HERC3: variants seen among roughly 807,000 people sequenced by gnomAD.
The protein encoded by HERC3 is probable E3 ubiquitin-protein ligase HERC3.
Under a neutral mutation model 129.9 loss-of-function variants are expected in HERC3, and 58 were observed. The ratio of observed to expected loss-of-function variants is 0.45; its 90% confidence interval spans 0.36 to 0.56. The LOEUF (loss-of-function observed/expected upper bound fraction) is 0.56, where lower values mean the gene tolerates loss of function less well. Ranked by LOEUF, HERC3 falls within the 20% of genes least tolerant of loss-of-function variation. The probability of loss-of-function intolerance (pLI) is 0.00; values close to 1 mark genes in which losing one functional copy is unlikely to be tolerated. For missense variants in HERC3, 835 were observed against 1,244.2 expected, an observed-to-expected ratio of 0.67 and a Z score of 4.95; for synonymous variants, 430 against 451.0, an observed-to-expected ratio of 0.95 and a Z score of 0.59.
intron 3 of HERC3, among the ~76,000 whole-genome samples, chr4:88,612,573 T>C (rs1455968304): frequency 6.6e-6 from 1 of 152,142 alleles, no homozygotes; most frequent in Non-Finnish European, 1.5e-5. Flanking sequence ...TATAAGTCTT[T>C]TGCACATTCC....
rs147444551 is a variant in HERC3, at chr4:88,704,495, C to CTT, written c.2842-8_2842-7dup. The CTT allele has an allele frequency of 1.3e-6, 2 of 1,558,712 alleles. No individual in the cohort carries two copies. The highest frequency in any genetic ancestry group is 2.7e-5 in the African/African-American group (2 of 73,164). On this transcript the variant is annotated splice_polypyrimidine_tract_variant and intron_variant, in intron 24 of 25. Coordinates refer to ENST00000402738, the MANE Select transcript of HERC3 (RefSeq NM_014606.3). ...CCAAGATACATTTTTTTCTTTTTCT[C>CTT]TTTTTTGGACAGACTGCCATCTACA...
At chr4:88,590,064 T>C (rs1011036428), upstream of HERC3, among the ~76,000 whole-genome samples, 1 of 144,340 alleles carries the variant, frequency 6.9e-6, no homozygotes, top group African/African-American at 2.6e-5. Flanking sequence ...GGTCAGGAGT[T>C]CTAAACCGGC....
At chr4:88,703,950 G>A in intron 23 of HERC3, 148 bp from the exon 24 acceptor site, 2 of 685,034 alleles carry the variant, frequency 2.9e-6, no homozygotes, top group Admixed American at 4.9e-5. Context: ...AGGAGAGCTG[G>A]TAACCTATAT....
intron 12 of HERC3, among the ~76,000 whole-genome samples, chr4:88,667,036 A>G (rs895794488): frequency 2.6e-5 from 4 of 152,162 alleles, no homozygotes; most frequent in Admixed American, 6.6e-5. Context: ...AAAAAACACA[A>G]GATGAAATCA....
At chr4:88,702,320 T>G (rs541933576) in intron 23 of HERC3, among the ~76,000 whole-genome samples, 1 of 152,238 alleles carries the variant, frequency 6.6e-6, no homozygotes, top group Non-Finnish European at 1.5e-5. Context: ...CCATGTGTTA[T>G]CTACTCTTAC....
At chr4:88,528,045 C>T in the HERC3 span, 8 of 293,096 alleles carry the variant, frequency 2.7e-5, no homozygotes, top group Non-Finnish European at 4.8e-5. Flanking sequence ...TGTAGTTTCA[C>T]GCCAATTTCC....
intron 23 of HERC3, among the ~76,000 whole-genome samples, chr4:88,689,532 CAAAA>C (rs34892852): frequency 1.9e-5 from 2 of 103,660 alleles, no homozygotes; most frequent in Admixed American, 1.0e-4. Flanking sequence ...CCGCCCCCGC[CAAAA>C]AAAAAAAAAA....
At chr4:88,650,126 T>C in intron 4 of HERC3, 127 bp downstream of exon 4, 2 of 922,432 alleles carry the variant, frequency 2.2e-6, no homozygotes, top group Non-Finnish European at 3.2e-6. Context: ...CTGTGCCTTA[T>C]ACTATTAAAA....
At chr4:88,697,799 C>G in intron 23 of HERC3, 1 of 1,536,580 alleles carries the variant, frequency 6.5e-7, no homozygotes, top group Non-Finnish European at 8.7e-7. Context: ...CCCGCAGAGG[C>G]CCTGCACCCG....
In HERC3 at chr4:88,685,094, A is replaced by G. The variant is rs1733268226; in HGVS notation, c.2508-1642A>G. The G allele has an allele frequency of 2.6e-5, 4 of 152,226 alleles. No individual in the cohort carries two copies. In the South Asian group the frequency reaches 8.3e-4, roughly 31 times the overall value. 9.4% of individuals were successfully genotyped at this position (152,226 alleles called of 1,614,324 possible). A position where few individuals can be genotyped will look rare whatever the true frequency, so the allele number is the denominator to read the frequency against. On this transcript the variant is annotated intron_variant, in intron 21 of 25. Coordinates refer to ENST00000402738, the MANE Select transcript of HERC3 (RefSeq NM_014606.3). ...GAGATTATTAAAAAGTCAGGAAACA[A>G]CAGATGCTGGCAAGGCTCTGAAGAA...
At chr4:88,581,009 A>G in the HERC3 span, among the ~76,000 whole-genome samples, 11 of 152,322 alleles carry the variant, frequency 7.2e-5, no homozygotes, top group East Asian at 1.3e-3. Flanking sequence ...AAGGGGATAG[A>G]TGATCAAAAA....
chr4:88,694,223 G>A (rs1473566461), intron 23 of HERC3, among the ~76,000 whole-genome samples: 2 of 152,196 alleles, frequency 1.3e-5, no homozygotes, highest in Admixed American at 1.3e-4. Context: ...GCAGCATTAG[G>A]TGAGTTCTTT....
intron 3 of HERC3, among the ~76,000 whole-genome samples, chr4:88,639,651 C>CTAT (rs1204450044): frequency 6.6e-6 from 1 of 152,140 alleles, no homozygotes; most frequent in Non-Finnish European, 1.5e-5. Context: ...AAAACCCAGG[C>CTAT]AATACCATTC....
intron 3 of HERC3, among the ~76,000 whole-genome samples, chr4:88,623,385 A>G (rs1725754906): frequency 6.6e-6 from 1 of 152,224 alleles, no homozygotes; most frequent in African/African-American, 2.4e-5. Context: ...TGTGCTATGC[A>G]TAATTTTGTT....
the HERC3 span, among the ~76,000 whole-genome samples, chr4:88,577,319 G>GT: frequency 1.3e-5 from 2 of 152,188 alleles, no homozygotes; most frequent in South Asian, 2.1e-4. Flanking sequence ...CTAATAGCAA[G>GT]TTTTTTATTT....
chr4:88,533,220 G>T, the HERC3 span, among the ~76,000 whole-genome samples: 40,851 of 152,074 alleles, frequency 0.27, 6,280 homozygotes, highest in East Asian at 0.73. Flanking sequence ...AACTCAGCAG[G>T]TCTGCTCATT....
intron 19 of HERC3, among the ~76,000 whole-genome samples, chr4:88,679,747 A>T (rs1323161452): frequency 2.6e-5 from 4 of 152,036 alleles, no homozygotes; most frequent in Non-Finnish European, 5.9e-5. Context: ...CGAACTCCTG[A>T]CCTCAGGTGA....
At chr4:88,582,261 G>C in the HERC3 span, among the ~76,000 whole-genome samples, 3 of 152,086 alleles carry the variant, frequency 2.0e-5, no homozygotes, top group Non-Finnish European at 4.4e-5. Flanking sequence ...ATTTCCTTTT[G>C]ATATAGAGAG....
intron 6 of HERC3, 82 bp downstream of exon 6, chr4:88,653,172 T>C: frequency 2.2e-6 from 3 of 1,338,750 alleles, no homozygotes; most frequent in Non-Finnish European, 3.1e-6. Context: ...TACTATGTGC[T>C]AGCCCCATGT....
Sources: allele counts gnomAD v4.1 joint callset (sites outside exome capture counted in the v4.1 genomes callset), GRCh38; gene constraint gnomAD v4.1.1; transcripts MANE v1.5; gene names NCBI Gene and HGNC (gene_info 2026-07-23, HGNC 2026-07-21).